SEMA5A: variants seen among roughly 807,000 people sequenced by gnomAD.
The protein encoded by SEMA5A is semaphorin-5A.
Under a neutral mutation model 135.5 loss-of-function variants are expected in SEMA5A, and 55 were observed. The ratio of observed to expected loss-of-function variants is 0.41; its 90% CI spans 0.33 to 0.51. The LOEUF is 0.51. SEMA5A is among the 20% of genes least tolerant of loss of function. The probability of loss-of-function intolerance (pLI) is 0.37; values close to 1 mark genes in which losing one functional copy is unlikely to be tolerated. For synonymous variants in SEMA5A, 580 were observed against 546.5 expected (o/e 1.06, Z -0.85); for missense variants, 1,290 against 1,419.9 (o/e 0.91, Z 1.47).
intron 5 of SEMA5A, among the ~76,000 whole-genome samples, chr5:9,284,045 A>G (rs1193695701): frequency 6.6e-6 from 1 of 152,198 alleles, no homozygotes; most frequent in African/African-American, 2.4e-5. Context: ...TGATAAATAA[A>G]TATCAAATGA....
At chr5:9,206,036 G>T (rs1048569916) in intron 8 of SEMA5A, among the ~76,000 whole-genome samples, 5 of 152,170 alleles carry the variant, frequency 3.3e-5, no homozygotes, top group African/African-American at 1.2e-4. Flanking sequence ...ATGATAAGAT[G>T]AATTTTGTTT....
At chr5:9,168,360 G>C (rs938911841) in intron 11 of SEMA5A, among the ~76,000 whole-genome samples, 1 of 152,072 alleles carries the variant, frequency 6.6e-6, no homozygotes, top group African/African-American at 2.4e-5. Flanking sequence ...CAACAATAAG[G>C]GGCTGTTTTT....
chr5:9,414,536 G>A (rs1171160185), intron 2 of SEMA5A, among the ~76,000 whole-genome samples: 2 of 152,220 alleles, frequency 1.3e-5, no homozygotes, highest in Non-Finnish European at 2.9e-5. Context: ...TCATTGGCAA[G>A]ACTGACGCTT....
intron 10 of SEMA5A, among the ~76,000 whole-genome samples, chr5:9,196,026 G>A (rs1745367652): frequency 6.6e-6 from 1 of 152,258 alleles, no homozygotes; most frequent in Non-Finnish European, 1.5e-5. Flanking sequence ...ACATGGAGAA[G>A]GCATTACCCA....
chr5:9,240,072 G>T (rs555836635), intron 5 of SEMA5A, among the ~76,000 whole-genome samples: 1 of 152,062 alleles, frequency 6.6e-6, no homozygotes, highest in South Asian at 2.1e-4. Flanking sequence ...AAGAAAGAAT[G>T]TGAGAGTTTT....
chr5:9,543,072 T>C (rs974818772), intron 1 of SEMA5A, among the ~76,000 whole-genome samples: 1 of 152,196 alleles, frequency 6.6e-6, no homozygotes, highest in African/African-American at 2.4e-5. Context: ...GTGTCACGAT[T>C]CAGATAGGCA....
At chr5:9,274,304 T>C (rs1382501745) in intron 5 of SEMA5A, among the ~76,000 whole-genome samples, 1 of 152,144 alleles carries the variant, frequency 6.6e-6, no homozygotes, top group African/African-American at 2.4e-5. Flanking sequence ...TAAATATATA[T>C]ACATGCAATA....
At chr5:9,500,603 T>G (rs539147685) in intron 1 of SEMA5A, among the ~76,000 whole-genome samples, 15 of 152,322 alleles carry the variant, frequency 9.8e-5, no homozygotes, top group African/African-American at 3.4e-4. Context: ...TTGCTGAGGA[T>G]AGGGCACTGG....
At chr5:9,457,934 G>A (rs1185848568) in intron 1 of SEMA5A, among the ~76,000 whole-genome samples, 1 of 103,316 alleles carries the variant, frequency 9.7e-6, no homozygotes, top group Non-Finnish European at 1.8e-5. Flanking sequence ...TTGAGACAGA[G>A]TCTCGCTCTG....
chr5:9,124,465 T>C (rs1740997616), intron 13 of SEMA5A, among the ~76,000 whole-genome samples: 1 of 152,088 alleles, frequency 6.6e-6, no homozygotes, highest in African/African-American at 2.4e-5. Flanking sequence ...TTTTGGTTGT[T>C]GTTGTTTTTG....
chr5:9,432,094 A>T (rs1757876638), intron 2 of SEMA5A, among the ~76,000 whole-genome samples: 1 of 152,166 alleles, frequency 6.6e-6, no homozygotes, highest in Non-Finnish European at 1.5e-5. Context: ...ATTCTGATGG[A>T]GATAATGGAA....
At chr5:9,321,620 T>G (rs1362666513) in intron 4 of SEMA5A, among the ~76,000 whole-genome samples, 2 of 152,152 alleles carry the variant, frequency 1.3e-5, no homozygotes, top group Non-Finnish European at 2.9e-5. Context: ...AGAAAAACAC[T>G]TGGAATGAAG....
intron 3 of SEMA5A, among the ~76,000 whole-genome samples, chr5:9,362,001 G>C (rs989258798): frequency 2.0e-5 from 3 of 152,158 alleles, no homozygotes. Context: ...GTTCTTATTT[G>C]GGTACCTCGT....
At chr5:9,423,200 T>A (rs1351752436) in intron 2 of SEMA5A, among the ~76,000 whole-genome samples, 1 of 152,220 alleles carries the variant, frequency 6.6e-6, no homozygotes, top group Admixed American at 6.5e-5. Flanking sequence ...CCCACTAGAC[T>A]TGTTCCAAAT....
chr5:9,215,933 A>C lies in SEMA5A; in HGVS notation c.646+8741T>G, dbSNP rs140782705. On this transcript the variant is annotated intron_variant, in intron 8 of 22. Coordinates refer to ENST00000382496, the MANE Select transcript of SEMA5A (RefSeq NM_003966.3). Reference sequence around the variant, plus strand: ...TTGATTGTTTGTTGTCTAGATGAGCACTGTGGGGCTCAGAGAGATTTGCCC... The same window carrying C: ...TTGATTGTTTGTTGTCTAGATGAGCCCTGTGGGGCTCAGAGAGATTTGCCC... Among the ~76,000 whole-genome samples the C allele has an allele frequency of 3.7e-3, 557 of 152,130 alleles. 2 individuals carry two copies. Among genetic ancestry groups the C allele is most frequent in the Middle Eastern group, 0.014 (4 of 294 alleles).
chr5:9,191,322 G>A (rs1039494396), intron 10 of SEMA5A, among the ~76,000 whole-genome samples: 10 of 152,192 alleles, frequency 6.6e-5, no homozygotes, highest in Admixed American at 3.9e-4. Context: ...GCTGGCAGAT[G>A]TTATATAAGA....
chr5:9,163,232 G>A (rs978827999), intron 11 of SEMA5A, among the ~76,000 whole-genome samples: 8 of 149,724 alleles, frequency 5.3e-5, no homozygotes, highest in African/African-American at 9.8e-5. Flanking sequence ...GGAAACAGAC[G>A]ATGAAAAAAA....
intron 3 of SEMA5A, among the ~76,000 whole-genome samples, chr5:9,371,134 A>G (rs1755118654): frequency 6.6e-6 from 1 of 152,186 alleles, no homozygotes; most frequent in Admixed American, 6.5e-5. Flanking sequence ...TTAAAATAAT[A>G]AAAACTATCT....
intron 5 of SEMA5A, among the ~76,000 whole-genome samples, chr5:9,271,993 C>A (rs1191011143): frequency 6.6e-6 from 1 of 152,076 alleles, no homozygotes; most frequent in Admixed American, 6.5e-5. Flanking sequence ...CCCAGTGGCA[C>A]CTGGAGCACC....
Sources: allele counts gnomAD v4.1 joint callset (sites outside exome capture counted in the v4.1 genomes callset), GRCh38; gene constraint gnomAD v4.1.1; transcripts MANE v1.5; gene names NCBI Gene and HGNC (gene_info 2026-07-23, HGNC 2026-07-21).